GRIK1: variants seen among roughly 807,000 people sequenced by gnomAD.
GRIK1 encodes glutamate receptor ionotropic, kainate 1.
GRIK1 carries 69 observed loss-of-function variants against 105.7 expected under a neutral mutation model. That is an observed-to-expected ratio of 0.65 (90% CI 0.54 to 0.80). The LOEUF is 0.80. Ranked by LOEUF, GRIK1 falls within the 30% of genes least tolerant of loss-of-function variation. GRIK1 has a pLI of 0.00. For missense variants in GRIK1, 1,109 were observed against 1,167.3 expected, an observed-to-expected ratio of 0.95 and a Z score of 0.73; for synonymous variants, 438 against 431.3, an observed-to-expected ratio of 1.02 and a Z score of -0.19.
intron 7 of GRIK1, among the ~76,000 whole-genome samples, chr21:29,613,304 A>G (rs1335823408): frequency 6.6e-6 from 1 of 152,200 alleles, no homozygotes; most frequent in Non-Finnish European, 1.5e-5. Flanking sequence ...TGAAAAACCA[A>G]CTGCCCTCCT....
chr21:29,541,725 CAT>C (rs1207892577), intron 16 of GRIK1, among the ~76,000 whole-genome samples: 1 of 151,256 alleles, frequency 6.6e-6, no homozygotes. Context: ...GGTGTTAAAA[CAT>C]AAATTTTCAA....
chr21:29,672,013 G>C (rs992601455), intron 4 of GRIK1, among the ~76,000 whole-genome samples: 1 of 151,710 alleles, frequency 6.6e-6, no homozygotes, highest in Non-Finnish European at 1.5e-5. Context: ...TCACTCTGGG[G>C]TGAGAAGCAC....
At chr21:29,871,692 G>T (rs2069017356) in intron 1 of GRIK1, among the ~76,000 whole-genome samples, 1 of 150,394 alleles carries the variant, frequency 6.6e-6, no homozygotes, top group African/African-American at 2.4e-5. Context: ...AAGTCCTTGT[G>T]TTTTCTCAAG....
At chr21:29,847,623 T>A (rs2068163246) in intron 1 of GRIK1, among the ~76,000 whole-genome samples, 1 of 152,012 alleles carries the variant, frequency 6.6e-6, no homozygotes, top group South Asian at 2.1e-4. Flanking sequence ...ACGAAACTAT[T>A]TTTTCTCTGC....
At chr21:29,702,193 T>C (rs565297358) in intron 1 of GRIK1, among the ~76,000 whole-genome samples, 19 of 152,134 alleles carry the variant, frequency 1.2e-4, no homozygotes, top group African/African-American at 4.3e-4. Flanking sequence ...AACTAATGGG[T>C]ACTAGGCTTA....
intron 1 of GRIK1, among the ~76,000 whole-genome samples, chr21:29,839,637 A>G (rs2067918792): frequency 6.6e-6 from 1 of 152,210 alleles, no homozygotes; most frequent in South Asian, 2.1e-4. Context: ...TTATGGGGAC[A>G]AATGCAAAAA....
At chr21:29,848,779 A>ATATATATATATATATTTTTTTT in intron 1 of GRIK1, among the ~76,000 whole-genome samples, 3 of 77,884 alleles carry the variant, frequency 3.9e-5, no homozygotes, top group African/African-American at 1.8e-4. Context: ...ATATATATAT[A>ATATATATATATATATTTTTTTT]TTTTTTTTTT....
chr21:29,801,102 G>T (rs181222165), intron 1 of GRIK1, among the ~76,000 whole-genome samples: 213 of 152,176 alleles, frequency 1.4e-3, no homozygotes, highest in African/African-American at 5.0e-3. Context: ...CCTTGTTGAA[G>T]ACCACATGGT....
chr21:29,853,648 G>A (rs2068375197), intron 1 of GRIK1, among the ~76,000 whole-genome samples: 1 of 152,086 alleles, frequency 6.6e-6, no homozygotes, highest in South Asian at 2.1e-4. Flanking sequence ...ATGACTCATG[G>A]GAATGTCTGA....
chr21:29,659,632 A>G (rs1282254589), intron 4 of GRIK1, among the ~76,000 whole-genome samples: 1 of 152,150 alleles, frequency 6.6e-6, no homozygotes. Flanking sequence ...GCTTTATTTT[A>G]TTTGCAGTAA....
At chr21:29,568,745 A>T (rs2090669115) in intron 14 of GRIK1, among the ~76,000 whole-genome samples, 1 of 152,178 alleles carries the variant, frequency 6.6e-6, no homozygotes. Context: ...ATGCAACCAC[A>T]TGTTGTGTTG....
At chr21:29,750,392 A>T (rs1362768317) in intron 1 of GRIK1, among the ~76,000 whole-genome samples, 1 of 152,002 alleles carries the variant, frequency 6.6e-6, no homozygotes, top group Non-Finnish European at 1.5e-5. Context: ...TAGAAACATC[A>T]CCCTGAGCCA....
chr21:29,730,125 G>A (rs2064575689), intron 1 of GRIK1, among the ~76,000 whole-genome samples: 1 of 152,156 alleles, frequency 6.6e-6, no homozygotes, highest in South Asian at 2.1e-4. Context: ...TGTAAACAGT[G>A]CTTAAATCCC....
intron 1 of GRIK1, among the ~76,000 whole-genome samples, chr21:29,694,512 G>A (rs1310247032): frequency 6.6e-6 from 1 of 152,162 alleles, no homozygotes; most frequent in Non-Finnish European, 1.5e-5. Flanking sequence ...GGCTAAAAGT[G>A]AAGTTTATCA....
chr21:29,621,888 A>C (rs1467920599), intron 7 of GRIK1, among the ~76,000 whole-genome samples: 1 of 152,196 alleles, frequency 6.6e-6, no homozygotes, highest in African/African-American at 2.4e-5. Flanking sequence ...TTAAATTTGT[A>C]GGCAAATCAA....
chr21:29,681,066 G>A (rs918907954), intron 3 of GRIK1, among the ~76,000 whole-genome samples: 2 of 152,206 alleles, frequency 1.3e-5, no homozygotes, highest in African/African-American at 4.8e-5. Flanking sequence ...ACAGGTGGTG[G>A]AGGTTGCAGT....
intron 4 of GRIK1, among the ~76,000 whole-genome samples, chr21:29,661,685 A>G (rs1418971218): frequency 3.3e-5 from 5 of 152,234 alleles, no homozygotes; most frequent in African/African-American, 1.2e-4. Flanking sequence ...TTAAACAGCA[A>G]TAGAAAACCA....
Position 29,537,778 on chromosome 21 carries a change from G to A in GRIK1, c.2694+20C>T, listed in dbSNP as rs779679956. 1.9e-5 allele frequency: 22 copies of A among 1,155,990 alleles called. No homozygotes were observed. In the South Asian group the frequency reaches 2.1e-4, roughly 11 times the overall value. 71.6% of individuals were successfully genotyped at this position (1,155,990 alleles called of 1,614,324 possible). Reference sequence around the variant, plus strand: ...CAAGGCATACGGACACTTCAGTAATGCTATAGAAAATGAACAAACCTTCTC... The same window carrying A: ...CAAGGCATACGGACACTTCAGTAATACTATAGAAAATGAACAAACCTTCTC... On this transcript the variant is annotated intron_variant, in intron 17 of 17. Transcript: ENST00000327783.
Position 29,841,548 on chromosome 21 carries a change from A to G in GRIK1, c.118+97835T>C, listed in dbSNP as rs556476439. ...TTGCCCCATTTTCTTTGAAATTAGA[A>G]TAATGATTCCATCTTTAGCCGTCAG... On this transcript the variant is annotated intron_variant, in intron 1 of 17. Transcript: ENST00000327783. Among the ~76,000 whole-genome samples, 17 of 152,266 alleles carry G rather than the reference A, an allele frequency of 1.1e-4. No homozygotes were observed. The East Asian group carries it at 3.3e-3, about 29-fold the overall frequency.
Sources: gnomAD v4.1 joint callset for allele counts (sites outside exome capture counted in the v4.1 genomes callset) on GRCh38, gnomAD v4.1.1 for gene constraint, MANE v1.5 for transcripts, NCBI Gene and HGNC (gene_info 2026-07-23, HGNC 2026-07-21) for gene names.